Variants in KANK1 observed in about 807,000 individuals in gnomAD.
KANK1 encodes KN motif and ankyrin repeat domain-containing protein 1.
Under a neutral mutation model 106.2 loss-of-function variants are expected in KANK1, and 109 were observed. That is an observed-to-expected ratio of 1.03 (90% CI 0.88 to 1.20). KANK1 has a LOEUF of 1.20. Ranked by LOEUF, KANK1 falls within the 50% of genes most tolerant of loss-of-function variation. The pLI is 0.00. For missense variants in KANK1, 2,399 were observed against 1,710.7 expected (o/e 1.40, Z -7.10); for synonymous variants, 873 against 652.2 (o/e 1.34, Z -5.16).
At chr9:701,625 C>T (rs1564012851) in intron 2 of KANK1, among the ~76,000 whole-genome samples, 1 of 152,074 alleles carries the variant, frequency 6.6e-6, no homozygotes. Context: ...GCAGCGACAA[C>T]AATAAATATC....
intron 1 of KANK1, among the ~76,000 whole-genome samples, chr9:563,339 C>G (rs1167786360): frequency 6.6e-6 from 1 of 152,080 alleles, no homozygotes; most frequent in Admixed American, 6.6e-5. Context: ...TGTGTTTGGT[C>G]TTAAACTGTG....
At chr9:600,980 T>A (rs915655676) in intron 1 of KANK1, among the ~76,000 whole-genome samples, 2 of 151,820 alleles carry the variant, frequency 1.3e-5, no homozygotes, top group African/African-American at 4.9e-5. Context: ...CATACCTTTC[T>A]GTGCTCTGTC....
chr9:667,662 A>C (rs1379567392), intron 1 of KANK1, among the ~76,000 whole-genome samples: 5 of 149,574 alleles, frequency 3.3e-5, no homozygotes, highest in African/African-American at 1.2e-4. Flanking sequence ...AAATGTTCTT[A>C]TTTCTTCATC....
At chr9:532,594 A>G (rs536691604) in intron 1 of KANK1, among the ~76,000 whole-genome samples, 1 of 151,850 alleles carries the variant, frequency 6.6e-6, no homozygotes, top group African/African-American at 2.4e-5. Flanking sequence ...TTTTATTTTT[A>G]AATTTAGACA....
At chr9:492,753 G>A (rs566470732) in intron 3 of KANK1, among the ~76,000 whole-genome samples, 6 of 152,102 alleles carry the variant, frequency 3.9e-5, no homozygotes, top group East Asian at 1.9e-4. Context: ...GGCCAGGTGC[G>A]GTGTCATATG....
intron 1 of KANK1, among the ~76,000 whole-genome samples, chr9:519,962 G>T (rs1014110782): frequency 6.6e-6 from 1 of 151,778 alleles, no homozygotes; most frequent in Admixed American, 6.6e-5. Flanking sequence ...GTTATGCTCA[G>T]TGACTTAAAA....
chr9:595,404 A>G (rs1825963786), intron 1 of KANK1, among the ~76,000 whole-genome samples: 1 of 151,966 alleles, frequency 6.6e-6, no homozygotes, highest in Non-Finnish European at 1.5e-5. Flanking sequence ...TTGCAGGAGC[A>G]CTTCAGCTCC....
At chr9:576,197 T>A (rs1223336455) in intron 1 of KANK1, among the ~76,000 whole-genome samples, 1 of 152,208 alleles carries the variant, frequency 6.6e-6, no homozygotes, top group Non-Finnish European at 1.5e-5. Context: ...GCCCTCCACA[T>A]ACTTCTGATT....
chr9:684,123 AACTC>A, intron 2 of KANK1: 1 of 976,698 alleles, frequency 1.0e-6, no homozygotes, highest in Non-Finnish European at 1.2e-6. Flanking sequence ...TTGTTTCATA[AACTC>A]TTAAGGCTTT....
At chr9:584,661 A>G (rs2135394922) in intron 1 of KANK1, among the ~76,000 whole-genome samples, 1 of 152,330 alleles carries the variant, frequency 6.6e-6, no homozygotes, top group African/African-American at 2.4e-5. Flanking sequence ...TAGTTCTGTA[A>G]GATTTGTTAG....
intron 1 of KANK1, among the ~76,000 whole-genome samples, chr9:598,878 C>G (rs1227424386): frequency 2.7e-5 from 4 of 149,942 alleles, no homozygotes; most frequent in Admixed American, 2.6e-4. Flanking sequence ...GTGATCCGCC[C>G]TCCTCCATCT....
In KANK1 at chr9:668,973, G is replaced by T. The variant is rs551152134; in HGVS notation, c.-83-7917G>T. ...GGAGGTGGAGCAGGCAGTGCTGTGT[G>T]ACCTGGTTCCTAACATGCGACGGAC... is the stretch of plus-strand genomic sequence containing the variant. On this transcript the variant is annotated intron_variant, in intron 1 of 11. Transcript: ENST00000382297. Among the ~76,000 whole-genome samples the T allele has an allele frequency of 6.7e-4, 102 of 152,232 alleles. 1 individual carries two copies. The highest frequency in any genetic ancestry group is 1.2e-3 in the Non-Finnish European group (80 of 68,032).
At chr9:497,854 A>AC (rs35581969) in intron 3 of KANK1, among the ~76,000 whole-genome samples, 75 of 148,534 alleles carry the variant, frequency 5.0e-4, no homozygotes, top group African/African-American at 1.8e-3. Context: ...CCCTGTATTA[A>AC]CCCCCCACAC....
rs3028166 is a variant in KANK1, at chr9:598,620, CTTTTTTTTTTT to C, written c.-83-78250_-83-78240del. ...TTTTTTGTTTTGTTTTGTTGGTTTTCTTTTTTTTTTTTTTTTTTTTTTTTTTTTTTGAGACA... is the reference window on the plus strand; with the variant it reads ...TTTTTTGTTTTGTTTTGTTGGTTTTCTTTTTTTTTTTTTTTTTTTGAGACA... On this transcript the variant is annotated intron_variant, in intron 1 of 11. Transcript: ENST00000382297. 4.8e-3 allele frequency among the ~76,000 whole-genome samples: 224 copies of C among 46,684 alleles called. 2 individuals carry two copies. Among genetic ancestry groups the C allele is most frequent in the Non-Finnish European group, 6.2e-3 (144 of 23,144 alleles). 30.6% of individuals were successfully genotyped at this position (46,684 alleles called of 152,430 possible).
intron 1 of KANK1, among the ~76,000 whole-genome samples, chr9:512,661 A>G (rs747402257): frequency 1.1e-4 from 17 of 152,042 alleles, no homozygotes; most frequent in Non-Finnish European, 2.2e-4. Context: ...TTGCCAAACT[A>G]TTGGTTGTAG....
At chr9:693,478 A>T in intron 2 of KANK1, 1 of 985,376 alleles carries the variant, frequency 1.0e-6, no homozygotes, top group Non-Finnish European at 1.2e-6. Flanking sequence ...CCTGAAGAGT[A>T]TGAGGATAGT....
intron 2 of KANK1, among the ~76,000 whole-genome samples, chr9:698,340 ATGT>A (rs1183361902): frequency 6.6e-6 from 1 of 151,872 alleles, no homozygotes; most frequent in African/African-American, 2.4e-5. Flanking sequence ...ATTCCCTAAA[ATGT>A]TGTCTCCTGT....
At chr9:639,921 A>G (rs10815404) in intron 1 of KANK1, among the ~76,000 whole-genome samples, 23,488 of 152,080 alleles carry the variant, frequency 0.15, 1,992 homozygotes, top group Admixed American at 0.18. Flanking sequence ...TAAGGGCACT[A>G]ATCCCATTTG....
chr9:566,678 A>G (rs1222900989), intron 1 of KANK1, among the ~76,000 whole-genome samples: 2 of 152,114 alleles, frequency 1.3e-5, no homozygotes, highest in Non-Finnish European at 2.9e-5. Context: ...GTGTCTGTTC[A>G]TGCCTTTGCC....
Sources: allele counts gnomAD v4.1 joint callset (sites outside exome capture counted in the v4.1 genomes callset), GRCh38; gene constraint gnomAD v4.1.1; transcripts MANE v1.5; gene names NCBI Gene and HGNC (gene_info 2026-07-23, HGNC 2026-07-21).